POLQ: variants seen among roughly 807,000 people sequenced by gnomAD.
POLQ encodes DNA polymerase theta.
In POLQ, 233 loss-of-function variants were observed where a neutral mutation model predicts 259.2. The ratio of observed to expected loss-of-function variants is 0.90; its 90% confidence interval spans 0.81 to 1.00. The LOEUF is 1.00. Ranked by LOEUF, POLQ falls within the 50% of genes least tolerant of loss-of-function variation. The pLI is 0.00. For missense variants in POLQ, 2,871 were observed against 3,051.6 expected (o/e 0.94, Z 1.39); for synonymous variants, 1,025 against 1,048.8 (o/e 0.98, Z 0.44).
At chr3:121,522,625 A>T (rs1164927219) in intron 7 of POLQ, among the ~76,000 whole-genome samples, 1 of 152,036 alleles carries the variant, frequency 6.6e-6, no homozygotes, top group Non-Finnish European at 1.5e-5. Context: ...ATCTTTTAAG[A>T]ATACTGATGC....
intron 16 of POLQ, 137 bp from the exon 17 acceptor site, chr3:121,485,321 A>G: frequency 1.9e-6 from 1 of 534,932 alleles, no homozygotes; most frequent in South Asian, 3.2e-5. Flanking sequence ...TTGGACAGTC[A>G]TTTTAAGTAT....
rs184975944 is a variant in POLQ at position 121,520,123 on chromosome 3, C to G, written c.1256-40G>C. ...TTTTTATATATTTATTGATATATAA[C>G]GAAAATATTATACGTGTTCACTTAC... On this transcript the variant is annotated intron_variant, in intron 8 of 29. Transcript: ENST00000264233. 2.6e-5 allele frequency: 30 copies of G among 1,143,816 alleles called. 1 individual carries two copies. The highest frequency in any genetic ancestry group is 3.7e-5 in the Non-Finnish European group (28 of 766,810). 70.9% of individuals were successfully genotyped at this position (1,143,816 alleles called of 1,614,324 possible).
intron 1 of POLQ, 85 bp from the exon 2 acceptor site, chr3:121,544,991 C>T: frequency 1.3e-6 from 1 of 796,880 alleles, no homozygotes; most frequent in South Asian, 2.0e-5. Context: ...TGTTGGAATT[C>T]CTATGTGTTG....
At chr3:121,542,395 A>G (rs527729531) in intron 2 of POLQ, among the ~76,000 whole-genome samples, 1 of 152,276 alleles carries the variant, frequency 6.6e-6, no homozygotes, top group South Asian at 2.1e-4. Flanking sequence ...GTTCCAAAAA[A>G]AGAAAAAAGA....
chr3:121,545,051 T>C (rs1380387460), intron 1 of POLQ, 145 bp from the exon 2 acceptor site: 4 of 569,964 alleles, frequency 7.0e-6, no homozygotes, highest in South Asian at 2.8e-5. Context: ...TTATGAGAAA[T>C]TGACCATGTA....
intron 9 of POLQ, among the ~76,000 whole-genome samples, chr3:121,514,533 G>A (rs911964050): frequency 4.6e-5 from 7 of 152,084 alleles, no homozygotes; most frequent in African/African-American, 1.7e-4. Flanking sequence ...GAATCCCCAG[G>A]GCTCATGGCT....
chr3:121,501,017 G>A (rs779206582), intron 12 of POLQ, among the ~76,000 whole-genome samples: 1 of 152,108 alleles, frequency 6.6e-6, no homozygotes, highest in African/African-American at 2.4e-5. Context: ...TGGCTGGAGT[G>A]CAGTGGCACG....
intron 27 of POLQ, among the ~76,000 whole-genome samples, chr3:121,436,838 G>A (rs2047548203): frequency 6.6e-6 from 1 of 151,602 alleles, no homozygotes; most frequent in Non-Finnish European, 1.5e-5. Flanking sequence ...AGATCCCTGG[G>A]TATTCAGTTA....
chr3:121,496,111 G>C (rs574089337), intron 14 of POLQ, among the ~76,000 whole-genome samples: 1 of 148,588 alleles, frequency 6.7e-6, no homozygotes, highest in African/African-American at 2.6e-5. Context: ...TTTTATAACA[G>C]TCAGACAGGA....
Position 121,475,684 on chromosome 3 carries a change from T to G in POLQ, c.6405+856A>C, listed in dbSNP as rs146142224. 7.0e-3 allele frequency among the ~76,000 whole-genome samples: 1,066 copies of G among 152,274 alleles called. 15 individuals carry two copies. The highest frequency in any genetic ancestry group is 0.017 in the African/African-American group (720 of 41,538). ...TGTGAAACTTCACATACAAACTACCTTCCAGGTAACTGCCATTTTGACATG... is the reference window on the plus strand; with the variant it reads ...TGTGAAACTTCACATACAAACTACCGTCCAGGTAACTGCCATTTTGACATG... On this transcript the variant is annotated intron_variant, in intron 20 of 29. Transcript: ENST00000264233.
intron 8 of POLQ, among the ~76,000 whole-genome samples, chr3:121,520,949 G>T (rs1198340566): frequency 1.3e-5 from 2 of 152,206 alleles, no homozygotes; most frequent in Non-Finnish European, 2.9e-5. Context: ...TACTTAGCTG[G>T]CTCATTTTCA....
At position 121,488,041 on chromosome 3, in the gene POLQ, T is replaced by C. The variant is rs763042275; in HGVS notation, c.4890A>G (p.Ile1630Met). 1.9e-6 allele frequency: 3 copies of C among 1,613,996 alleles called. No individual in the cohort carries two copies. Among genetic ancestry groups the C allele is most frequent in the South Asian group, 2.2e-5 (2 of 91,070 alleles). ...TTAGATCAAATGATGCCCCTGACCA[T>C]ATGAATGAATGATTTTGCCTGGTCC... ...LTGTRQNHSF[I>M]WSGASFDLSP... Residue 1630 changes from isoleucine to methionine, a missense_variant, in exon 16 of 30, where the codon ATA becomes ATG. By Grantham distance (10) the Ile-to-Met change is conservative. Transcript: ENST00000264233.
chr3:121,539,228 T>C (rs2048471785), intron 4 of POLQ, among the ~76,000 whole-genome samples: 1 of 152,134 alleles, frequency 6.6e-6, no homozygotes, highest in South Asian at 2.1e-4. Flanking sequence ...AGTACAAAAA[T>C]GCAACGTAAC....
At chr3:121,477,368 T>G (rs1258019165) in intron 19 of POLQ, among the ~76,000 whole-genome samples, 1 of 152,206 alleles carries the variant, frequency 6.6e-6, no homozygotes, top group Non-Finnish European at 1.5e-5. Context: ...TTGTATAAAA[T>G]TATCTTTAGG....
chr3:121,509,473 T>C (rs2048235080), intron 12 of POLQ, 88 bp downstream of exon 12: 6 of 1,115,702 alleles, frequency 5.4e-6, no homozygotes, highest in Non-Finnish European at 7.8e-6. Flanking sequence ...AGACGAGATG[T>C]TCTGTTAGGG....
chr3:121,514,291 G>A (rs184004323), intron 9 of POLQ, among the ~76,000 whole-genome samples: 2 of 142,704 alleles, frequency 1.4e-5, no homozygotes, highest in Admixed American at 1.5e-4. Flanking sequence ...TTGCGCCATC[G>A]CACTACAGCC....
intron 23 of POLQ, 52 bp downstream of exon 23, chr3:121,468,253 C>T: frequency 7.0e-7 from 1 of 1,427,118 alleles, no homozygotes; most frequent in South Asian, 1.3e-5. Flanking sequence ...TATTTTGAGC[C>T]ATTCATACTT....
At position 121,520,060 on chromosome 3, in the gene POLQ, T is replaced by C. The variant is rs1179164835; in HGVS notation, c.1279A>G (p.Ile427Val). The C allele has an allele frequency of 6.2e-7, 1 of 1,611,846 alleles. No homozygotes were observed. Among genetic ancestry groups the C allele is most frequent in the Non-Finnish European group, 8.5e-7 (1 of 1,178,052 alleles). Reference sequence around the variant, plus strand: ...CCTTGACGAAAGGCTCCTTCAATGATATCCCTCTCCTCAAAAGTAAGACCT... The same window carrying C: ...CCTTGACGAAAGGCTCCTTCAATGACATCCCTCTCCTCAAAAGTAAGACCT... ...HAGLTFEERD[I>V]IEGAFRQGLI... is the part of the protein sequence containing the mutation. The change falls in exon 9 of 30, where the codon ATC (isoleucine) becomes GTC (valine). Residue 427 changes from isoleucine (I) to valine (V), a missense_variant. By Grantham distance (29) the Ile-to-Val change is conservative. Transcript: ENST00000264233.
Position 121,476,529 on chromosome 3 carries a change from C to T in POLQ, c.6405+11G>A. 2 of 1,599,184 alleles carry T rather than the reference C, an allele frequency of 1.3e-6. No homozygotes were observed. Among genetic ancestry groups the T allele is most frequent in the African/African-American group, 1.3e-5 (1 of 74,520 alleles). On this transcript the variant is annotated intron_variant, in intron 20 of 29. Transcript: ENST00000264233. ...AATTATGTATCTATATCCCTAGCCCCATGATACAACCTCAGCGATGTCATC... is the reference window on the plus strand; with the variant it reads ...AATTATGTATCTATATCCCTAGCCCTATGATACAACCTCAGCGATGTCATC...
Sources: gnomAD v4.1 joint callset for allele counts (sites outside exome capture counted in the v4.1 genomes callset) on GRCh38, gnomAD v4.1.1 for gene constraint, MANE v1.5 for transcripts, NCBI Gene and HGNC (gene_info 2026-07-23, HGNC 2026-07-21) for gene names.